Variants in NCSTN observed in about 807,000 individuals in gnomAD.
The protein encoded by NCSTN is nicastrin.
NCSTN carries 22 observed loss-of-function variants against 87.0 expected under a neutral mutation model. The ratio of observed to expected loss-of-function variants is 0.25; its 90% CI spans 0.18 to 0.36. The LOEUF (loss-of-function observed/expected upper bound fraction) is 0.36. Among genes scored for constraint, NCSTN ranks in the 10% least tolerant of loss-of-function variants. NCSTN has a pLI of 1.00. For synonymous variants in NCSTN, 306 were observed against 327.1 expected, an observed-to-expected ratio of 0.94 and a Z score of 0.69; for missense variants, 693 against 883.3, an observed-to-expected ratio of 0.78 and a Z score of 2.73.
At position 160,357,097 on chromosome 1, in the gene NCSTN, C is replaced by G; in HGVS notation, c.1851C>G (p.Leu617=). The part of the protein sequence containing the change: ...GPLHSNETDR[L]PRCVRSTARL... ...TGCATTCTAATGAGACGGACCGACT[C>G]CCCCGGTGTGTGCGTTCTACTGCAC... The change falls in exon 16 of 17, where the codon CTC becomes CTG. Residue 617 remains leucine, a synonymous_variant. Transcript: ENST00000294785. 1 of 1,614,062 alleles carries G rather than the reference C, an allele frequency of 6.2e-7. No individual in the cohort carries two copies. The highest frequency in any genetic ancestry group is 8.5e-7 in the Non-Finnish European group (1 of 1,180,000).
intron 4 of NCSTN, among the ~76,000 whole-genome samples, 169 bp downstream of exon 4, chr1:160,349,839 C>G (rs1349915506): frequency 1.3e-5 from 2 of 152,216 alleles, no homozygotes; most frequent in South Asian, 2.1e-4. Context: ...CATCCCTTCC[C>G]TCTCCTGCTT....
intron 2 of NCSTN, among the ~76,000 whole-genome samples, chr1:160,346,827 G>A (rs1420748152): frequency 3.9e-5 from 6 of 151,974 alleles, no homozygotes; most frequent in Admixed American, 1.3e-4. Flanking sequence ...GGCTGGTCTC[G>A]AACCCCTGAC....
intron 8 of NCSTN, 39 bp downstream of exon 8, chr1:160,352,245 AAG>A (rs773051644): frequency 1.9e-6 from 3 of 1,612,860 alleles, no homozygotes; most frequent in South Asian, 2.2e-5. Context: ...GCAGGGAAGA[AAG>A]AGGATAGTAA....
intron 3 of NCSTN, 143 bp downstream of exon 3, chr1:160,349,265 T>C (rs12239946): frequency 0.18 from 215,225 of 1,203,276 alleles, 20,416 homozygotes; most frequent in Non-Finnish European, 0.19. Context: ...GAAGGAAAGG[T>C]GTACCATCAA....
chr1:160,358,475 C>G lies in NCSTN; in HGVS notation c.*204C>G. On this transcript the variant is annotated 3_prime_UTR_variant, in exon 17 of 17. Coordinates refer to ENST00000294785, the MANE Select transcript of NCSTN (RefSeq NM_015331.3). ...CCTCCGCTCCCCTTTCCCATCACCC[C>G]TTCCCCATTTCCTCTTCCTTCTCTA... 1.5e-6 allele frequency: 1 copy of G among 666,692 alleles called. No individual in the cohort carries two copies. The highest frequency in any genetic ancestry group is 2.6e-6 in the Non-Finnish European group (1 of 384,598). The allele number at this position is 666,692 out of a possible 1,614,324, so 41.3% of individuals were successfully genotyped here.
At position 160,355,736 on chromosome 1, in the gene NCSTN, C is replaced by G. The variant is rs201210604; in HGVS notation, c.1434C>G (p.Asn478Lys). Residue 478 changes from asparagine to lysine, a missense_variant, in exon 12 of 17, where the codon AAC becomes AAG. By Grantham distance (94) the Asn-to-Lys change is moderately conservative (BLOSUM62 0). Coordinates refer to ENST00000294785, the MANE Select transcript of NCSTN (RefSeq NM_015331.3). Reference sequence around the variant, plus strand: ...GGCTGAGCCCTGAAGAGGACCTGAACTTTGTAACAGACACTGCCAAGGTAG... The same window carrying G: ...GGCTGAGCCCTGAAGAGGACCTGAAGTTTGTAACAGACACTGCCAAGGTAG... ...PEWLSPEEDL[N>K]FVTDTAKALA... The G allele has an allele frequency of 6.2e-7, 1 of 1,614,000 alleles. No homozygotes were observed. The highest frequency in any genetic ancestry group is 8.5e-7 in the Non-Finnish European group (1 of 1,179,830).
chr1:160,350,668 A>G (rs1177120793), intron 5 of NCSTN, among the ~76,000 whole-genome samples: 1 of 152,134 alleles, frequency 6.6e-6, no homozygotes, highest in Non-Finnish European at 1.5e-5. Flanking sequence ...AAAGAGTAAT[A>G]TGAAACAAGG....
chr1:160,349,982 C>A, intron 4 of NCSTN, 123 bp from the exon 5 acceptor site: 1 of 1,238,434 alleles, frequency 8.1e-7, no homozygotes, highest in South Asian at 1.2e-5. Context: ...ATGCCTACTT[C>A]TTTGAGTCAC....
chr1:160,357,311 C>A, intron 16 of NCSTN, 58 bp downstream of exon 16: 1 of 1,485,586 alleles, frequency 6.7e-7, no homozygotes. Context: ...TCTCTGCTTT[C>A]TTGTGTCATA....
rs779110074 is a variant in NCSTN at position 160,349,699 on chromosome 1, T to C, written c.436+29T>C. 37 of 1,612,412 alleles carry C rather than the reference T, an allele frequency of 2.3e-5. No homozygotes were observed. In the South Asian group the frequency reaches 4.0e-4, roughly 17 times the overall value. On this transcript the variant is annotated intron_variant, in intron 4 of 16. Coordinates refer to ENST00000294785, the MANE Select transcript of NCSTN (RefSeq NM_015331.3). ...AGTGTCCCAAAGGATCAGGAGAGCC[T>C]ACTGTCACCTAAGGCTCACTGTTGC... is the stretch of plus-strand genomic sequence containing the variant.
intron 10 of NCSTN, chr1:160,353,655 C>T (rs1648988482): frequency 4.1e-6 from 4 of 985,368 alleles, no homozygotes; most frequent in Non-Finnish European, 4.8e-6. Flanking sequence ...CTAGGTCCAC[C>T]TTTAGGCCTG....
intron 10 of NCSTN, 85 bp from the exon 11 acceptor site, chr1:160,354,033 A>T: frequency 1.4e-6 from 2 of 1,402,894 alleles, no homozygotes; most frequent in Non-Finnish European, 2.0e-6. Flanking sequence ...GGGAACTTGA[A>T]GTATAGAGCA....
chr1:160,353,150 C>G lies in NCSTN; in HGVS notation c.1102-10C>G, dbSNP rs375632985. ...TGATTCTAAGTGTTGTTTCTTCATC[C>G]TCCCCCCAGGTGGCCTTAAGAACTT... On this transcript the variant is annotated splice_polypyrimidine_tract_variant and intron_variant, in intron 9 of 16. Coordinates refer to ENST00000294785, the MANE Select transcript of NCSTN (RefSeq NM_015331.3). 9 of 1,613,678 alleles carry G rather than the reference C, an allele frequency of 5.6e-6. No individual in the cohort carries two copies. In the Admixed American group the frequency reaches 1.3e-4, roughly 24 times the overall value.
chr1:160,357,035 G>A lies in NCSTN; in HGVS notation c.1795-6G>A. 6.2e-7 allele frequency: 1 copy of A among 1,612,176 alleles called. No individual in the cohort carries two copies. The highest frequency in any genetic ancestry group is 1.1e-5 in the South Asian group (1 of 91,004). ...AGCCGTGTGTTGTGGCGCATCTTCT[G>A]TGCAGCTGTATGAGTACTCATGGGT... On this transcript the variant is annotated splice_region_variant and splice_polypyrimidine_tract_variant and intron_variant, in intron 15 of 16. Coordinates refer to ENST00000294785, the MANE Select transcript of NCSTN (RefSeq NM_015331.3).
intron 11 of NCSTN, 28 bp downstream of exon 11, chr1:160,354,318 T>C: frequency 6.2e-7 from 1 of 1,611,820 alleles, no homozygotes; most frequent in Non-Finnish European, 8.5e-7. Context: ...CTGCACCCTC[T>C]TCATTCTTGA....
At chr1:160,350,827 GTAGTTAAGAGATT>G (rs1383719717) in intron 5 of NCSTN, among the ~76,000 whole-genome samples, 1 of 152,126 alleles carries the variant, frequency 6.6e-6, no homozygotes, top group Admixed American at 6.5e-5. Flanking sequence ...GACTCATAGA[GTAGTTAAGAGATT>G]TGTCCAAAGT....
At chr1:160,353,401 G>A in intron 10 of NCSTN, 164 bp downstream of exon 10, 2 of 1,514,902 alleles carry the variant, frequency 1.3e-6, no homozygotes, top group Non-Finnish European at 8.8e-7. Context: ...TGTTGCTGCT[G>A]GGAAGAATCA....
chr1:160,350,313 G>A (rs1648765783), intron 5 of NCSTN, 63 bp downstream of exon 5: 1 of 1,590,010 alleles, frequency 6.3e-7, no homozygotes, highest in Non-Finnish European at 8.6e-7. Flanking sequence ...CTAGCCAGGT[G>A]TGGTGGTGTG....
Position 160,349,387 on chromosome 1 carries a change from G to A in NCSTN, c.315-162G>A. Reference sequence around the variant, plus strand: ...TTACTCACTAAAGCTCTACTTTTTAGAGCAGATCATTGTCCAGACTCAGAA... The same window carrying A: ...TTACTCACTAAAGCTCTACTTTTTAAAGCAGATCATTGTCCAGACTCAGAA... On this transcript the variant is annotated intron_variant, in intron 3 of 16. Coordinates refer to ENST00000294785, the MANE Select transcript of NCSTN (RefSeq NM_015331.3). 3 of 1,072,506 alleles carry A rather than the reference G, an allele frequency of 2.8e-6. No homozygotes were observed. In the South Asian group the frequency reaches 3.8e-5, roughly 14 times the overall value. The allele number at this position is 1,072,506 out of a possible 1,614,324, so 66.4% of individuals were successfully genotyped here. A position where few individuals can be genotyped will look rare whatever the true frequency, so the allele number is the denominator to read the frequency against.
Sources: allele counts gnomAD v4.1 joint callset (sites outside exome capture counted in the v4.1 genomes callset), GRCh38; gene constraint gnomAD v4.1.1; transcripts MANE v1.5; gene names NCBI Gene and HGNC (gene_info 2026-07-23, HGNC 2026-07-21).